AMZ1: variants seen among roughly 807,000 people sequenced by gnomAD.
The protein encoded by AMZ1 is archaemetzincin-1.
A neutral mutation model predicts 29.9 loss-of-function variants in AMZ1; 39 were observed. That is an observed-to-expected ratio of 1.30 (90% CI 1.01 to 1.70). The LOEUF is 1.70. AMZ1 is among the 40% of genes most tolerant of loss of function. The pLI is 0.00. For missense variants in AMZ1, 1,041 were observed against 680.6 expected (o/e 1.53, Z -5.89); for synonymous variants, 458 against 304.0 (o/e 1.51, Z -5.27).
chr7:2,745,923 A>C (rs1790741718), intron 4 of AMZ1, among the ~76,000 whole-genome samples: 1 of 152,230 alleles, frequency 6.6e-6, no homozygotes, highest in African/African-American at 2.4e-5. Context: ...GAGACAAAGA[A>C]GGCCATTACA....
intron 1 of AMZ1, among the ~76,000 whole-genome samples, chr7:2,695,878 C>A (rs182349712): frequency 6.6e-6 from 1 of 151,596 alleles, no homozygotes; most frequent in Non-Finnish European, 1.5e-5. Flanking sequence ...GGCGTGGTGG[C>A]GGGCACCTGT....
intron 1 of AMZ1, among the ~76,000 whole-genome samples, chr7:2,696,234 G>A (rs965610231): frequency 1.3e-5 from 2 of 150,316 alleles, no homozygotes; most frequent in African/African-American, 4.9e-5. Context: ...GGAACACAGT[G>A]CGGTTTGTGG....
chr7:2,712,813 C>T lies in AMZ1; in HGVS notation c.1432C>T (p.Leu478=), dbSNP rs771726784. Reference sequence around the variant, plus strand: ...CAAGTTCTCCTCCCTGAGGAGGAAGCTGAGTGCCCGAAAACTCGCCAGAGC... The same window carrying T: ...CAAGTTCTCCTCCCTGAGGAGGAAGTTGAGTGCCCGAAAACTCGCCAGAGC... ...GDKFSSLRRK[L]SARKLARAES... The change falls in exon 7 of 7, where the codon CTG becomes TTG. Residue 478 remains leucine, a synonymous_variant. Transcript: ENST00000683327. 1.3e-6 allele frequency: 2 copies of T among 1,539,106 alleles called. No homozygotes were observed. Among genetic ancestry groups the T allele is most frequent in the Admixed American group, 2.0e-5 (1 of 50,728 alleles).
chr7:2,731,023 C>T lies in AMZ1; in HGVS notation n.550+21207C>T. On this transcript the variant is annotated intron_variant and non_coding_transcript_variant, in intron 4 of 4. Transcript: ENST00000489665. This position sits in a 1 kb window ranked among gnomAD's most constrained non-coding sequence, Gnocchi z 6.0. ...AGTTTCCATGTCCTTTTGCCTAGAG[C>T]TCGCTGGCTGGCTGGTCTGACAGCA... is the stretch of plus-strand genomic sequence containing the variant. 1 of 571,056 alleles carries T rather than the reference C, an allele frequency of 1.8e-6. No homozygotes were observed. The highest frequency in any genetic ancestry group is 3.1e-6 in the Non-Finnish European group (1 of 320,478). 35.4% of individuals were successfully genotyped at this position (571,056 alleles called of 1,614,324 possible). A position where few individuals can be genotyped will look rare whatever the true frequency, so the allele number is the denominator to read the frequency against.
intron 1 of AMZ1, among the ~76,000 whole-genome samples, chr7:2,699,142 C>T (rs983287013): frequency 1.3e-5 from 2 of 152,136 alleles, no homozygotes; most frequent in African/African-American, 2.4e-5. Context: ...ATCTGTTCTG[C>T]GAGGCTTCCC....
At chr7:2,681,646 A>T (rs1053705997) in intron 1 of AMZ1, among the ~76,000 whole-genome samples, 1 of 152,132 alleles carries the variant, frequency 6.6e-6, no homozygotes, top group African/African-American at 2.4e-5. Flanking sequence ...ACAGACCCCG[A>T]CAGGGACAGG....
chr7:2,681,494 C>A (rs765873701), intron 1 of AMZ1, among the ~76,000 whole-genome samples: 1 of 152,090 alleles, frequency 6.6e-6, no homozygotes, highest in Non-Finnish European at 1.5e-5. Context: ...CTCCAGGGCT[C>A]GAGAGATCCA....
upstream of AMZ1, among the ~76,000 whole-genome samples, chr7:2,683,802 A>G (rs2115025625): frequency 1.3e-5 from 2 of 152,118 alleles, no homozygotes; most frequent in South Asian, 4.1e-4. Flanking sequence ...CCTGGGCTCA[A>G]GTGATCCTCC....
intron 4 of AMZ1, among the ~76,000 whole-genome samples, chr7:2,754,012 T>A (rs910321053): frequency 1.3e-5 from 2 of 152,226 alleles, no homozygotes; most frequent in Non-Finnish European, 2.9e-5. Flanking sequence ...AGAATCTACA[T>A]CTAAACCCTT....
intron 4 of AMZ1, among the ~76,000 whole-genome samples, chr7:2,747,957 G>A (rs922393886): frequency 2.0e-4 from 30 of 151,550 alleles, no homozygotes; most frequent in Admixed American, 5.3e-4. Flanking sequence ...TACAAGGGAT[G>A]TGAAGGACCT....
intron 4 of AMZ1, among the ~76,000 whole-genome samples, chr7:2,753,319 A>G (rs569990839): frequency 6.6e-6 from 1 of 151,994 alleles, no homozygotes; most frequent in East Asian, 1.9e-4. Context: ...ACGATTGGCT[A>G]ATTTTATTTT....
intron 1 of AMZ1, among the ~76,000 whole-genome samples, chr7:2,690,189 C>T (rs1787300967): frequency 6.6e-6 from 1 of 152,030 alleles, no homozygotes; most frequent in Non-Finnish European, 1.5e-5. Context: ...TAGGAGGTGG[C>T]TGTGTTTTTG....
chr7:2,751,942 A>G (rs903291254), intron 4 of AMZ1, among the ~76,000 whole-genome samples: 1 of 152,218 alleles, frequency 6.6e-6, no homozygotes, highest in African/African-American at 2.4e-5. Flanking sequence ...AAATAACACT[A>G]ACGAACGTGA....
chr7:2,755,214 T>C (rs947894751), intron 4 of AMZ1, among the ~76,000 whole-genome samples: 2 of 152,212 alleles, frequency 1.3e-5, no homozygotes, highest in East Asian at 3.8e-4. Context: ...CCTCCCACTT[T>C]ATTCTTTTTC....
intron 1 of AMZ1, among the ~76,000 whole-genome samples, chr7:2,691,484 T>G (rs2115052641): frequency 6.7e-6 from 1 of 148,874 alleles, no homozygotes; most frequent in African/African-American, 2.6e-5. Flanking sequence ...GGCTCACACA[T>G]ATAATCCCAG....
chr7:2,727,439 G>A lies in AMZ1; in HGVS notation n.550+17623G>A, dbSNP rs115699719. Among the ~76,000 whole-genome samples the A allele has an allele frequency of 4.4e-3, 671 of 152,176 alleles. 6 individuals carry two copies. Among genetic ancestry groups the A allele is most frequent in the Non-Finnish European group, 6.9e-3 (467 of 68,014 alleles). The stretch of plus-strand genomic sequence containing the variant: ...TTGCCCAGGGTGGAGTGCAGAGTGC[G>A]ATCGCAGCTCGCTGTAGCCTCAAGC... On this transcript the variant is annotated intron_variant and non_coding_transcript_variant, in intron 4 of 4. Coordinates refer to the AMZ1 transcript ENST00000489665.
At chr7:2,762,551 G>C, upstream of AMZ1, 1 of 1,361,682 alleles carries the variant, frequency 7.3e-7, no homozygotes, top group Non-Finnish European at 9.9e-7. Context: ...CTATTCTGGA[G>C]TTAGATCCAA....
At chr7:2,704,530 T>C (rs1034447204) in intron 3 of AMZ1, among the ~76,000 whole-genome samples, 3 of 151,364 alleles carry the variant, frequency 2.0e-5, no homozygotes, top group Non-Finnish European at 4.4e-5. Context: ...ATTTCAGTTG[T>C]CATGTTTGTG....
In AMZ1 at chr7:2,715,207, G is replaced by A. The variant is rs906363821; in HGVS notation, c.*2329G>A. ...CTTTCCTGCACTCCACGGCGGCAGTGACAAGGACCCCACCCCAGGTTCACG... is the reference window on the plus strand; with the variant it reads ...CTTTCCTGCACTCCACGGCGGCAGTAACAAGGACCCCACCCCAGGTTCACG... On this transcript the variant is annotated 3_prime_UTR_variant, in exon 7 of 7. Transcript: ENST00000683327. 1 of 152,282 alleles carries A rather than the reference G, an allele frequency of 6.6e-6. No individual in the cohort carries two copies. The highest frequency in any genetic ancestry group is 1.5e-5 in the Non-Finnish European group (1 of 68,038). The allele number at this position is 152,282 out of a possible 1,614,324, so 9.4% of individuals were successfully genotyped here. A position where few individuals can be genotyped will look rare whatever the true frequency, so the allele number is the denominator to read the frequency against.
Sources: allele counts gnomAD v4.1 joint callset (sites outside exome capture counted in the v4.1 genomes callset), GRCh38; gene constraint gnomAD v4.1.1; non-coding constraint Gnocchi (gnomAD v3.1); transcripts MANE v1.5; gene names NCBI Gene and HGNC (gene_info 2026-07-23, HGNC 2026-07-21).